Variants in AMPD3 observed in about 807,000 individuals in gnomAD.
AMPD3 encodes AMP deaminase 3.
AMPD3 carries 57 observed loss-of-function variants against 82.3 expected under a neutral mutation model. The observed-to-expected ratio is 0.69, with a 90% CI of 0.56 to 0.86. The LOEUF (loss-of-function observed/expected upper bound fraction) is 0.86, where lower values mean the gene tolerates loss of function less well. AMPD3 is among the 40% of genes least tolerant of loss of function. The pLI is 0.00. For synonymous variants in AMPD3, 381 were observed against 394.7 expected (o/e 0.97, Z 0.41); for missense variants, 870 against 1,003.8 (o/e 0.87, Z 1.80).
chr11:10,493,572 A>C, intron 7 of AMPD3, 29 bp downstream of exon 7: 1 of 1,610,138 alleles, frequency 6.2e-7, no homozygotes, highest in African/African-American at 1.3e-5. Flanking sequence ...CAGTGCCGCC[A>C]GCAGACAGCA....
At position 10,455,413 on chromosome 11, in the gene AMPD3, C is replaced by T. The variant is rs933091148; in HGVS notation, c.-41C>T. 21 of 982,166 alleles carry T rather than the reference C, an allele frequency of 2.1e-5. No homozygotes were observed. Among genetic ancestry groups the T allele is most frequent in the African/African-American group, 5.3e-5 (3 of 56,694 alleles). 60.8% of individuals were successfully genotyped at this position (982,166 alleles called of 1,614,324 possible). Reference sequence around the variant, plus strand: ...GGAGTGGCAGAGTCCAGCCAGCGCTCGGAGCTGGAGGCCCACGTGGGAGCA... The same window carrying T: ...GGAGTGGCAGAGTCCAGCCAGCGCTTGGAGCTGGAGGCCCACGTGGGAGCA... On this transcript the variant is annotated 5_prime_UTR_variant, in exon 1 of 15. Transcript: ENST00000396553.
intron 2 of AMPD3, among the ~76,000 whole-genome samples, chr11:10,465,109 A>G (rs977062008): frequency 6.6e-6 from 1 of 152,258 alleles, no homozygotes; most frequent in African/African-American, 2.4e-5. Flanking sequence ...AAATGAGCGA[A>G]TACACAAAAA....
At chr11:10,452,522 T>C (rs1383414990), upstream of AMPD3, among the ~76,000 whole-genome samples, 2 of 152,036 alleles carry the variant, frequency 1.3e-5, no homozygotes, top group African/African-American at 4.8e-5. Context: ...GAGAAGGATG[T>C]TCCTCCTCCT....
At chr11:10,497,934 C>T (rs1446213304) in intron 10 of AMPD3, among the ~76,000 whole-genome samples, 3 of 152,208 alleles carry the variant, frequency 2.0e-5, no homozygotes, top group African/African-American at 4.8e-5. Flanking sequence ...GCGTGTTGGA[C>T]ACGGTGTTGA....
intron 9 of AMPD3, among the ~76,000 whole-genome samples, 183 bp downstream of exon 9, chr11:10,495,916 CTTTTTT>C: frequency 7.5e-6 from 1 of 133,178 alleles, no homozygotes; most frequent in Admixed American, 7.6e-5. Flanking sequence ...CACTAGAGCT[CTTTTTT>C]TTTTTTTTTT....
At chr11:10,505,585 G>C in intron 14 of AMPD3, 123 bp from the exon 15 acceptor site, 1 of 1,518,872 alleles carries the variant, frequency 6.6e-7, no homozygotes, top group Non-Finnish European at 8.8e-7. Flanking sequence ...AAGATGTCCT[G>C]ACCAAAGATC....
Position 10,500,081 on chromosome 11 carries a change from C to A in AMPD3, c.1558-5C>A, listed in dbSNP as rs767253550. On this transcript the variant is annotated splice_polypyrimidine_tract_variant and splice_region_variant and intron_variant, in intron 10 of 14. Coordinates refer to ENST00000396553, the MANE Select transcript of AMPD3 (RefSeq NM_001025389.2). Reference sequence around the variant, plus strand: ...GGCCTGGTGCTCAGGACCTCTCCTGCCCAGGTGACGGGGTTTGACAGCGTG... The same window carrying A: ...GGCCTGGTGCTCAGGACCTCTCCTGACCAGGTGACGGGGTTTGACAGCGTG... The A allele has an allele frequency of 1.2e-6, 2 of 1,614,164 alleles. No homozygotes were observed. Among genetic ancestry groups the A allele is most frequent in the South Asian group, 2.2e-5 (2 of 91,082 alleles).
intron 4 of AMPD3, 36 bp downstream of exon 4, chr11:10,482,261 TG>T (rs1201631999): frequency 1.2e-6 from 2 of 1,607,042 alleles, no homozygotes; most frequent in Admixed American, 3.3e-5. Context: ...GTCCCAAGTG[TG>T]GGCAGACCGA....
chr11:10,484,366 C>T (rs1233331981), intron 4 of AMPD3: 7 of 985,184 alleles, frequency 7.1e-6, no homozygotes, highest in East Asian at 1.1e-4. Context: ...GGCCTGGGCT[C>T]GGGACAGTTA....
chr11:10,474,306 G>T (rs1564843999), intron 2 of AMPD3, among the ~76,000 whole-genome samples: 2 of 152,182 alleles, frequency 1.3e-5, no homozygotes, highest in Admixed American at 1.3e-4. Context: ...CTGGTGAAAG[G>T]TTGGCTCCAG....
intron 4 of AMPD3, among the ~76,000 whole-genome samples, chr11:10,483,819 C>A (rs1848985747): frequency 6.6e-6 from 1 of 152,256 alleles, no homozygotes; most frequent in Non-Finnish European, 1.5e-5. Context: ...AGGCAGGTCA[C>A]TCTGCCTTGG....
rs778191609 is a variant in AMPD3, at chr11:10,505,807, T to C, written c.2227T>C (p.Tyr743His). The part of the protein sequence containing the change: ...NVAQIRMAFR[Y>H]ETLCNELSFL... ...GGCTCAGATCCGGATGGCATTCCGA[T>C]ATGAGACCTTATGCAATGAGCTCAG... Residue 743 changes from tyrosine (Y) to histidine (H), a missense_variant, in exon 15 of 15, where the codon TAT becomes CAT. Coordinates refer to ENST00000396553, the MANE Select transcript of AMPD3 (RefSeq NM_001025389.2). The C allele has an allele frequency of 6.2e-6, 10 of 1,614,212 alleles. No individual in the cohort carries two copies. The South Asian group carries it at 1.1e-4, about 18-fold the overall frequency.
At chr11:10,453,649 T>C (rs4910140), upstream of AMPD3, among the ~76,000 whole-genome samples, 26,032 of 151,788 alleles carry the variant, frequency 0.17, 2,458 homozygotes, top group Admixed American at 0.29. Context: ...AGTGCAGTGG[T>C]GCAATGTCAG....
At chr11:10,457,595 C>T (rs186359125) in intron 1 of AMPD3, among the ~76,000 whole-genome samples, 101 of 152,274 alleles carry the variant, frequency 6.6e-4, no homozygotes, top group Non-Finnish European at 1.2e-3. Context: ...TTGATTAGAG[C>T]AAGCTAAAAA....
At chr11:10,494,138 A>G (rs1203674189) in intron 7 of AMPD3, among the ~76,000 whole-genome samples, 2 of 152,262 alleles carry the variant, frequency 1.3e-5, no homozygotes, top group Middle Eastern at 3.2e-3. Context: ...ACAACGGAAT[A>G]TCATTCAGCC....
intron 6 of AMPD3, among the ~76,000 whole-genome samples, chr11:10,488,939 G>T (rs886276750): frequency 1.3e-5 from 2 of 152,162 alleles, no homozygotes; most frequent in Non-Finnish European, 2.9e-5. Flanking sequence ...CTACCTGGAG[G>T]CCCTAAGACC....
chr11:10,467,544 G>C (rs1848456840), intron 2 of AMPD3, among the ~76,000 whole-genome samples: 1 of 152,202 alleles, frequency 6.6e-6, no homozygotes, highest in South Asian at 2.1e-4. Flanking sequence ...ACGTTTGATG[G>C]ATGTACCTGA....
At chr11:10,467,959 G>T (rs1429654163) in intron 2 of AMPD3, among the ~76,000 whole-genome samples, 1 of 152,184 alleles carries the variant, frequency 6.6e-6, no homozygotes, top group African/African-American at 2.4e-5. Context: ...TTACAGACAA[G>T]CAAATGCTGA....
At position 10,496,787 on chromosome 11, in the gene AMPD3, C is replaced by T. The variant is rs754490239; in HGVS notation, c.1431-25C>T. The T allele has an allele frequency of 1.9e-6, 3 of 1,614,140 alleles. No homozygotes were observed. In the East Asian group the frequency reaches 6.7e-5, roughly 36 times the overall value. ...GCAGCAGGCTGTTGGATCCACCTGA[C>T]AAGCGAGTCTTTGCTGTCCCCCAGT... On this transcript the variant is annotated intron_variant, in intron 9 of 14. Coordinates refer to ENST00000396553, the MANE Select transcript of AMPD3 (RefSeq NM_001025389.2).
Sources: gnomAD v4.1 joint callset for allele counts (sites outside exome capture counted in the v4.1 genomes callset) on GRCh38, gnomAD v4.1.1 for gene constraint, MANE v1.5 for transcripts, NCBI Gene and HGNC (gene_info 2026-07-23, HGNC 2026-07-21) for gene names.